BIRC6: variants seen among roughly 807,000 people sequenced by gnomAD.
The protein encoded by BIRC6 is dual E2 ubiquitin-conjugating enzyme/E3 ubiquitin-protein ligase BIRC6.
BIRC6 carries 98 observed loss-of-function variants against 503.3 expected under a neutral mutation model. The ratio of observed to expected loss-of-function variants is 0.19; its 90% CI spans 0.17 to 0.23. The LOEUF (loss-of-function observed/expected upper bound fraction) is 0.23, where lower values mean the gene tolerates loss of function less well. Ranked by LOEUF, BIRC6 falls within the 10% of genes least tolerant of loss-of-function variation. BIRC6 has a pLI of 1.00. For synonymous variants in BIRC6, 2,240 were observed against 2,078.7 expected, an observed-to-expected ratio of 1.08 and a Z score of -2.11; for missense variants, 5,360 against 5,806.0, an observed-to-expected ratio of 0.92 and a Z score of 2.50.
At chr2:32,596,118 A>G (rs1260901416) in intron 68 of BIRC6, among the ~76,000 whole-genome samples, 1 of 152,144 alleles carries the variant, frequency 6.6e-6, no homozygotes, top group Non-Finnish European at 1.5e-5. Flanking sequence ...AAGGTTTTTT[A>G]TGGCTTATTT....
At chr2:32,432,686 G>A (rs902808097) in intron 12 of BIRC6, among the ~76,000 whole-genome samples, 3 of 151,864 alleles carry the variant, frequency 2.0e-5, no homozygotes, top group African/African-American at 7.3e-5. Context: ...CTTGAGCCCA[G>A]GCGGTTGAGG....
At position 32,473,181 on chromosome 2, in the gene BIRC6, G is replaced by C; in HGVS notation, c.6662G>C (p.Ser2221Thr). 1 of 1,567,430 alleles carries C rather than the reference G, an allele frequency of 6.4e-7. No individual in the cohort carries two copies. The highest frequency in any genetic ancestry group is 8.7e-7 in the Non-Finnish European group (1 of 1,153,468). ...QSLNRSSKGS[S>T]SLDRLYSRKI... ...TTAAATAGATCTTCTAAAGGCAGCAGTAGCCTTGATAGATTATATTCCAGA... is the reference window on the plus strand; with the variant it reads ...TTAAATAGATCTTCTAAAGGCAGCACTAGCCTTGATAGATTATATTCCAGA... The change falls in exon 33 of 74, where the codon AGT (serine) becomes ACT (threonine). Residue 2221 changes from serine to threonine, a missense_variant. Physicochemically the swap from Ser to Thr is moderately conservative, Grantham distance 58 (BLOSUM62 1). This residue lies in a region of BIRC6 where 2,299 missense variants were observed against 2,267.2 expected (regional missense o/e 1.01). Coordinates refer to ENST00000421745, the MANE Select transcript of BIRC6 (RefSeq NM_016252.4).
Position 32,485,742 on chromosome 2 carries a change from C to G in BIRC6, c.7796C>G (p.Thr2599Arg). ...GCAGATTCCATTTTACAGGCATTAA[C>G]AAATACATCTCCTACATGTAAGTAA... ...LEADSILQAL[T>R]NTSPTLSQSP... Residue 2599 changes from threonine (T) to arginine (R), a missense_variant, in exon 40 of 74, where the codon ACA becomes AGA. Thr to Arg is a moderately conservative substitution (Grantham distance 71). This residue lies in a region of BIRC6 where 2,299 missense variants were observed against 2,267.2 expected (regional missense o/e 1.01). Transcript: ENST00000421745. The G allele has an allele frequency of 6.2e-7, 1 of 1,602,998 alleles. No homozygotes were observed. The highest frequency in any genetic ancestry group is 2.2e-5 in the East Asian group (1 of 44,808).
intron 23 of BIRC6, among the ~76,000 whole-genome samples, chr2:32,462,911 C>T (rs577814053): frequency 4.7e-5 from 7 of 150,386 alleles, no homozygotes; most frequent in East Asian, 2.0e-4. Context: ...ACCAAGATCA[C>T]GCCGCTGCAC....
intron 46 of BIRC6, among the ~76,000 whole-genome samples, chr2:32,501,403 A>G (rs1021784204): frequency 6.6e-6 from 1 of 152,258 alleles, no homozygotes; most frequent in Non-Finnish European, 1.5e-5. Flanking sequence ...ATGTAAGAAG[A>G]TAGCCATAAA....
At chr2:32,550,134 C>T (rs942688705) in intron 65 of BIRC6, among the ~76,000 whole-genome samples, 2 of 152,054 alleles carry the variant, frequency 1.3e-5, no homozygotes, top group Non-Finnish European at 1.5e-5. Flanking sequence ...TCAGCCAAAA[C>T]CTTTATTATT....
intron 31 of BIRC6, among the ~76,000 whole-genome samples, chr2:32,470,683 T>C (rs768976667): frequency 7.9e-5 from 12 of 152,144 alleles, no homozygotes; most frequent in Admixed American, 2.6e-4. Context: ...GAATTATAAG[T>C]TGAGAGTTAG....
chr2:32,545,640 T>C lies in BIRC6; in HGVS notation c.12593-3T>C. The C allele has an allele frequency of 1.2e-6, 2 of 1,608,654 alleles. No individual in the cohort carries two copies. Among genetic ancestry groups the C allele is most frequent in the Non-Finnish European group, 1.7e-6 (2 of 1,175,126 alleles). On this transcript the variant is annotated splice_polypyrimidine_tract_variant and splice_region_variant and intron_variant, in intron 62 of 73. Transcript: ENST00000421745. ...CTTGAGTCCTCTTCTTTCTTCAATC[T>C]AGGTCATATTCTTCAATCTCCATCA...
Position 32,442,624 on chromosome 2 carries a change from T to C in BIRC6, c.4238+169T>C, listed in dbSNP as rs142291802. Among the ~76,000 whole-genome samples the C allele has an allele frequency of 6.0e-3, 908 of 152,256 alleles. 8 individuals are homozygous for C. The highest frequency in any genetic ancestry group is 0.021 in the African/African-American group (861 of 41,548). On this transcript the variant is annotated intron_variant, in intron 19 of 73. Coordinates refer to ENST00000421745, the MANE Select transcript of BIRC6 (RefSeq NM_016252.4). ...AATCTTAGCAAGAATTTTGGGTTCT[T>C]AGGGGAAAGTGTCATGTTAAATAAG...
At chr2:32,469,057 CA>C (rs2048855838) in intron 29 of BIRC6, among the ~76,000 whole-genome samples, 1 of 152,124 alleles carries the variant, frequency 6.6e-6, no homozygotes. Flanking sequence ...TGAAGTTGAA[CA>C]GTGAAACTTT....
intron 61 of BIRC6, among the ~76,000 whole-genome samples, chr2:32,537,982 CA>C (rs1007395887): frequency 2.7e-5 from 4 of 149,074 alleles, no homozygotes; most frequent in Non-Finnish European, 6.0e-5. Context: ...AAAAAGCAAA[CA>C]AAAAAAACAA....
chr2:32,387,633 C>G (rs1039067984), intron 3 of BIRC6, among the ~76,000 whole-genome samples: 4 of 152,094 alleles, frequency 2.6e-5, no homozygotes, highest in African/African-American at 9.7e-5. Flanking sequence ...TTTTTAGTTG[C>G]TATTGCTGGA....
chr2:32,561,558 A>G (rs990823136), intron 65 of BIRC6, among the ~76,000 whole-genome samples: 14 of 151,684 alleles, frequency 9.2e-5, no homozygotes, highest in Non-Finnish European at 1.8e-4. Flanking sequence ...TATACTTTCT[A>G]ATTAGTATTC....
intron 57 of BIRC6, 44 bp downstream of exon 57, chr2:32,518,990 G>T (rs1034878340): frequency 6.4e-7 from 1 of 1,552,796 alleles, no homozygotes; most frequent in African/African-American, 1.4e-5. Flanking sequence ...CTTTATGTTT[G>T]ATGTATATGG....
intron 71 of BIRC6, among the ~76,000 whole-genome samples, chr2:32,604,964 C>T (rs1052969286): frequency 6.6e-6 from 1 of 150,932 alleles, no homozygotes; most frequent in South Asian, 2.1e-4. Context: ...CTTACTACAA[C>T]CTCTGCGTCT....
chr2:32,549,098 A>G (rs1238607291), intron 64 of BIRC6: 2 of 358,620 alleles, frequency 5.6e-6, no homozygotes, highest in African/African-American at 2.1e-5. Context: ...ATGTCTAGTC[A>G]TATGTAGTGT....
At chr2:32,607,720 G>GT (rs2062564870) in intron 72 of BIRC6, 77 bp downstream of exon 72, 1 of 1,257,394 alleles carries the variant, frequency 8.0e-7, no homozygotes, top group African/African-American at 1.5e-5. Context: ...GCTCATGCCT[G>GT]TAATCTCAGC....
chr2:32,434,025 T>C (rs1335651687), intron 13 of BIRC6, among the ~76,000 whole-genome samples: 1 of 152,236 alleles, frequency 6.6e-6, no homozygotes, highest in Non-Finnish European at 1.5e-5. Context: ...AATCATATAA[T>C]TATACTTTTT....
chr2:32,427,220 A>G (rs541613928), intron 10 of BIRC6, among the ~76,000 whole-genome samples: 41 of 152,124 alleles, frequency 2.7e-4, no homozygotes, highest in Admixed American at 9.8e-4. Context: ...AATTCCCATT[A>G]CATGTATGTT....
Sources: gnomAD v4.1 joint callset for allele counts (sites outside exome capture counted in the v4.1 genomes callset) on GRCh38, gnomAD v4.1.1 for gene constraint, gnomAD v4.1.1 regional missense constraint, MANE v1.5 for transcripts, NCBI Gene and HGNC (gene_info 2026-07-23, HGNC 2026-07-21) for gene names.